The following RHOXF1 variants were observed in gnomAD, a reference collection of about 807,000 sequenced individuals.
RHOXF1 encodes Rhox homeobox family member 1.
RHOXF1 carries 1 observed loss-of-function variant against 9.7 expected under a neutral mutation model. The observed-to-expected ratio is 0.10, with a 90% CI of 0.04 to 0.49. RHOXF1 has a LOEUF of 0.49. Among genes scored for constraint, RHOXF1 ranks in the 20% least tolerant of loss-of-function variants. The pLI, the probability that RHOXF1 is intolerant of heterozygous loss-of-function variation, is 0.95. For missense variants in RHOXF1, 179 were observed against 168.0 expected (o/e 1.07, Z -0.36); for synonymous variants, 72 against 70.2 (o/e 1.03, Z -0.13).
chrX:120,112,401 A>ACAT (rs2057268918), intron 2 of RHOXF1, among the ~76,000 whole-genome samples: 1 of 31,992 alleles, frequency 3.1e-5, no homozygotes, highest in Non-Finnish European at 1.1e-4. Context: ...TATGTATGAT[A>ACAT]TATATACATA....
chrX:120,116,022 TG>T (rs2057293987), upstream of RHOXF1: 1 of 17,621 alleles, frequency 5.7e-5, no homozygotes, highest in Admixed American at 1.0e-3. Context: ...TGGAGAGGAG[TG>T]GGGGGATGGG....
Position 120,109,316 on chromosome X carries a change from G to C in RHOXF1, c.445-14C>G. 2.9e-6 allele frequency: 3 copies of C among 1,042,971 alleles called. No individual in the cohort carries two copies. The highest frequency in any genetic ancestry group is 4.0e-6 in the Non-Finnish European group (3 of 746,604). The allele number at this position is 1,042,971 out of a possible 1,213,427, so 86.0% of individuals were successfully genotyped here. A position where few individuals can be genotyped will look rare whatever the true frequency, so the allele number is the denominator to read the frequency against. The stretch of plus-strand genomic sequence containing the variant: ...CTTAAACCAAACCTACAATCAGAGG[G>C]AAAAGGGGATTGGTTTAGTATATTG... On this transcript the variant is annotated splice_polypyrimidine_tract_variant and intron_variant, in intron 2 of 2. Coordinates refer to ENST00000217999, the MANE Select transcript of RHOXF1 (RefSeq NM_139282.3).
At chrX:120,118,545 T>C (rs1423541428), upstream of RHOXF1, among the ~76,000 whole-genome samples, 1 of 112,268 alleles carries the variant, frequency 8.9e-6, no homozygotes, top group African/African-American at 3.2e-5. Context: ...GTTTTATTCT[T>C]TTTCTTCAAC....
At chrX:120,112,949 A>T (rs2057277262) in intron 1 of RHOXF1, 35 bp from the exon 2 acceptor site, 2 of 1,026,349 alleles carry the variant, frequency 1.9e-6, no homozygotes, top group African/African-American at 3.7e-5. Context: ...TTAGTATTCA[A>T]AGTTGTGGAT....
intron 2 of RHOXF1, among the ~76,000 whole-genome samples, chrX:120,110,173 T>C (rs1352484060): frequency 2.7e-5 from 3 of 111,624 alleles, no homozygotes; most frequent in Non-Finnish European, 3.8e-5. Flanking sequence ...TAGTAAATAA[T>C]AGGAAAGAGC....
At position 120,115,505 on chromosome X, in the gene RHOXF1, T is replaced by C. The variant is rs781885702; in HGVS notation, c.358A>G (p.Ser120Gly). The C allele has an allele frequency of 8.8e-6, 10 of 1,131,634 alleles. No homozygotes were observed. The highest frequency in any genetic ancestry group is 3.7e-5 in the African/African-American group (2 of 54,225). 93.3% of individuals were successfully genotyped at this position (1,131,634 alleles called of 1,213,427 possible). ...FTLLQVEELE[S>G]VFRHTQYPDV... ...GGGTATTGAGTGTGTCGGAAAACAC[T>C]TTCCAGCTCCTCCACCTGCAACAGC... Residue 120 changes from serine to glycine, a missense_variant, in exon 1 of 3, where the codon AGT (serine) becomes GGT (glycine). Physicochemically the swap from Ser to Gly is moderately conservative, Grantham distance 56. Coordinates refer to ENST00000217999, the MANE Select transcript of RHOXF1 (RefSeq NM_139282.3).
chrX:120,110,244 A>G (rs2147895564), intron 2 of RHOXF1, among the ~76,000 whole-genome samples: 1 of 112,179 alleles, frequency 8.9e-6, no homozygotes, highest in East Asian at 2.8e-4. Context: ...GTCCTCTGGC[A>G]AGAGAGGCCT....
intron 1 of RHOXF1, among the ~76,000 whole-genome samples, chrX:120,114,590 AG>A (rs2057285263): frequency 9.1e-6 from 1 of 110,176 alleles, no homozygotes; most frequent in African/African-American, 3.4e-5. Context: ...CCAAAAAAAA[AG>A]AAAGAAAGAA....
At chrX:120,114,065 T>G (rs376629541) in intron 1 of RHOXF1, among the ~76,000 whole-genome samples, 18 of 109,000 alleles carry the variant, frequency 1.7e-4, no homozygotes, top group African/African-American at 6.0e-4. Flanking sequence ...ACTGCTGCAC[T>G]CCAACCTGGG....
At chrX:120,113,111 G>A (rs1338048532) in intron 1 of RHOXF1, among the ~76,000 whole-genome samples, 197 bp from the exon 2 acceptor site, 1 of 111,400 alleles carries the variant, frequency 9.0e-6, no homozygotes, top group Non-Finnish European at 1.9e-5. Flanking sequence ...AATTTAAGGT[G>A]ACGTTAACAA....
At chrX:120,115,417 C>T (rs368282545) in intron 1 of RHOXF1, 48 bp downstream of exon 1, 32 of 1,050,925 alleles carry the variant, frequency 3.0e-5, no homozygotes, top group Non-Finnish European at 3.5e-5. Context: ...AAAAAGATGC[C>T]TCGAAACGAA....
intron 2 of RHOXF1, 32 bp from the exon 3 acceptor site, chrX:120,109,334 G>A: frequency 2.2e-6 from 2 of 904,818 alleles, no homozygotes; most frequent in Non-Finnish European, 3.2e-6. Flanking sequence ...GATTGGTTTA[G>A]TATATTGAAC....
chrX:120,117,605 A>G (rs2057302284), upstream of RHOXF1: 1 of 111,323 alleles, frequency 9.0e-6, no homozygotes, highest in South Asian at 3.8e-4. Context: ...GGTGATTCTG[A>G]GCATGGAAAG....
chrX:120,115,504 C>T lies in RHOXF1; in HGVS notation c.359G>A (p.Ser120Asn), dbSNP rs1293096269. 1 of 1,133,066 alleles carries T rather than the reference C, an allele frequency of 8.8e-7. No homozygotes were observed. The highest frequency in any genetic ancestry group is 1.2e-6 in the Non-Finnish European group (1 of 858,368). 93.4% of individuals were successfully genotyped at this position (1,133,066 alleles called of 1,213,427 possible). Residue 120 changes from serine to asparagine, a missense_variant, in exon 1 of 3, where the codon AGT (serine) becomes AAT (asparagine). Coordinates refer to ENST00000217999, the MANE Select transcript of RHOXF1 (RefSeq NM_139282.3). ...AGGGTATTGAGTGTGTCGGAAAACA[C>T]TTTCCAGCTCCTCCACCTGCAACAG... is the stretch of plus-strand genomic sequence containing the variant. ...FTLLQVEELE[S>N]VFRHTQYPDV... is the part of the protein sequence containing the mutation.
Position 120,115,895 on chromosome X carries a change from T to C in RHOXF1, c.-33A>G, listed in dbSNP as rs782731079. 2 of 1,129,212 alleles carry C rather than the reference T, an allele frequency of 1.8e-6. No individual in the cohort carries two copies. Among genetic ancestry groups the C allele is most frequent in the African/African-American group, 1.9e-5 (1 of 52,107 alleles). The allele number at this position is 1,129,212 out of a possible 1,213,427, so 93.1% of individuals were successfully genotyped here. ...GCGCTGCGCCCCTGCACAAACTCCG[T>C]GGCGTCTGCAGCTGGAGTGGGGGTT... On this transcript the variant is annotated 5_prime_UTR_variant, in exon 1 of 3. Transcript: ENST00000217999.
chrX:120,115,951 T>A, upstream of RHOXF1: 1 of 867,718 alleles, frequency 1.2e-6, no homozygotes, highest in Non-Finnish European at 1.5e-6. Context: ...GTTCTCATGC[T>A]TGGTATTGGT....
upstream of RHOXF1, chrX:120,116,322 TG>T (rs1235461826): frequency 1.4e-4 from 2 of 14,593 alleles, no homozygotes; most frequent in African/African-American, 5.9e-4. Context: ...GGGTCGTGGG[TG>T]GGGGTGGCAG....
At position 120,114,702 on chromosome X, in the gene RHOXF1, A is replaced by G. The variant is rs2057285784; in HGVS notation, c.398+763T>C. 1.8e-5 allele frequency among the ~76,000 whole-genome samples: 2 copies of G among 112,212 alleles called. 1 individual carries two copies. Among genetic ancestry groups the G allele is most frequent in the East Asian group, 5.5e-4 (2 of 3,612 alleles). ...CACTAAGCACATGAAAGGATGCACA[A>G]CATCACTAATCATTAGGGAAAAGCA... On this transcript the variant is annotated intron_variant, in intron 1 of 2. Transcript: ENST00000217999.
upstream of RHOXF1, chrX:120,116,287 T>C (rs868941386): frequency 1.6e-4 from 1 of 6,090 alleles, no homozygotes; most frequent in African/African-American, 6.8e-4. Context: ...GTAGGGGTTG[T>C]GGGTGGGGGT....
Sources: allele counts gnomAD v4.1 joint callset (sites outside exome capture counted in the v4.1 genomes callset), GRCh38; gene constraint gnomAD v4.1.1; transcripts MANE v1.5; gene names NCBI Gene and HGNC (gene_info 2026-07-23, HGNC 2026-07-21).